ZNF391: variants seen among roughly 807,000 people sequenced by gnomAD.
ZNF391 encodes zinc finger protein 391.
For synonymous variants in ZNF391, 126 were observed against 142.1 expected (o/e 0.89, Z 0.80); for missense variants, 375 against 425.5 (o/e 0.88, Z 1.04).
At chr6:27,390,588 CG>C (rs768877416) in intron 1 of ZNF391, among the ~76,000 whole-genome samples, 3 of 152,168 alleles carry the variant, frequency 2.0e-5, no homozygotes, top group Non-Finnish European at 4.4e-5. Context: ...TTGTCACATC[CG>C]CTAGACTTCC....
chr6:27,396,716 G>A (rs1761833293), intron 1 of ZNF391, among the ~76,000 whole-genome samples: 2 of 152,038 alleles, frequency 1.3e-5, no homozygotes, highest in African/African-American at 4.8e-5. Flanking sequence ...GATAGAGTGA[G>A]ACCCTGTCTC....
At chr6:27,397,599 T>A (rs2113658347) in intron 1 of ZNF391, among the ~76,000 whole-genome samples, 1 of 152,274 alleles carries the variant, frequency 6.6e-6, no homozygotes, top group Non-Finnish European at 1.5e-5. Flanking sequence ...CCAATTCCTA[T>A]TAAGGAATGT....
At chr6:27,398,890 G>A (rs1442417267) in intron 1 of ZNF391, among the ~76,000 whole-genome samples, 2 of 152,054 alleles carry the variant, frequency 1.3e-5, no homozygotes, top group Non-Finnish European at 2.9e-5. Flanking sequence ...GAGTCATCTG[G>A]GAAAGCTAGC....
At chr6:27,377,106 A>C (rs893698748) in intron 1 of ZNF391, among the ~76,000 whole-genome samples, 2 of 152,226 alleles carry the variant, frequency 1.3e-5, no homozygotes, top group Non-Finnish European at 2.9e-5. Flanking sequence ...TCAGTGCTCC[A>C]AAACGAAAAA....
intron 1 of ZNF391, among the ~76,000 whole-genome samples, chr6:27,395,937 T>C (rs1029843513): frequency 6.6e-6 from 1 of 152,214 alleles, no homozygotes; most frequent in African/African-American, 2.4e-5. Context: ...CATATTACCT[T>C]ATGGCAGTAT....
intron 1 of ZNF391, among the ~76,000 whole-genome samples, chr6:27,378,322 C>A (rs1761447968): frequency 6.6e-6 from 1 of 152,098 alleles, no homozygotes; most frequent in African/African-American, 2.4e-5. Flanking sequence ...TTTTAAATCA[C>A]CTGGGTGCAG....
chr6:27,401,147 T>C lies in ZNF391; in HGVS notation c.777T>C (p.Ser259=), dbSNP rs761727530. Residue 259 remains serine (S), a synonymous_variant, in exon 3 of 3, where the codon AGT becomes AGC. Coordinates refer to ENST00000244576, the MANE Select transcript of ZNF391 (RefSeq NM_001076781.3). ...GCAGTAAATGTGGAAAAGCTTTCAGTTGGATCTCATCGCTTACTGAACATC... is the reference window on the plus strand; with the variant it reads ...GCAGTAAATGTGGAAAAGCTTTCAGCTGGATCTCATCGCTTACTGAACATC... The part of the protein sequence containing the change: ...YECSKCGKAF[S]WISSLTEHQR... 4.3e-6 allele frequency: 7 copies of C among 1,614,088 alleles called. No individual in the cohort carries two copies. The highest frequency in any genetic ancestry group is 1.3e-5 in the African/African-American group (1 of 74,934).
chr6:27,400,784 A>G lies in ZNF391; in HGVS notation c.414A>G (p.Glu138=). 6.2e-7 allele frequency: 1 copy of G among 1,614,212 alleles called. No homozygotes were observed. ...SRIHGGEKPF[E]CNKCGKSFSR... is the part of the protein sequence containing the mutation. ...TTCATGGTGGAGAAAAGCCTTTTGA[A>G]TGCAACAAATGTGGGAAATCTTTCA... is the stretch of plus-strand genomic sequence containing the variant. Residue 138 remains glutamate, a synonymous_variant, in exon 3 of 3, where the codon GAA becomes GAG. Transcript: ENST00000244576.
chr6:27,382,034 C>CAAAAAAAAA (rs58338028), intron 1 of ZNF391, among the ~76,000 whole-genome samples: 2 of 88,346 alleles, frequency 2.3e-5, no homozygotes, highest in Non-Finnish European at 2.1e-5. Context: ...GACTCCATCT[C>CAAAAAAAAA]AAAAAAAAAA....
In ZNF391 at chr6:27,401,176, G is replaced by A. The variant is rs779530597; in HGVS notation, c.806G>A (p.Arg269Lys). 6.2e-7 allele frequency: 1 copy of A among 1,614,200 alleles called. No homozygotes were observed. Among genetic ancestry groups the A allele is most frequent in the Non-Finnish European group, 8.5e-7 (1 of 1,180,022 alleles). ...ATCTCATCGCTTACTGAACATCAGA[G>A]AACACACACTGGGGAGAACCCCTAT... The part of the protein sequence containing the change: ...SWISSLTEHQ[R>K]THTGENPYEC... The change falls in exon 3 of 3, where the codon AGA becomes AAA. Residue 269 changes from arginine (R) to lysine (K), a missense_variant. By Grantham distance (26) the Arg-to-Lys change is conservative. Coordinates refer to ENST00000244576, the MANE Select transcript of ZNF391 (RefSeq NM_001076781.3).
chr6:27,382,672 C>T (rs1761528151), intron 1 of ZNF391, among the ~76,000 whole-genome samples: 1 of 152,018 alleles, frequency 6.6e-6, no homozygotes. Context: ...AATGTTAGCA[C>T]AGAGATATAA....
At chr6:27,394,523 AGGCAGAAGCCTGCTGTAAGG>A (rs1408263895) in intron 1 of ZNF391, among the ~76,000 whole-genome samples, 3 of 152,254 alleles carry the variant, frequency 2.0e-5, no homozygotes, top group East Asian at 1.9e-4. Context: ...CTGGGTGTCC[AGGCAGAAGCCTGCTGTAAGG>A]GGCAGAAGCC....
chr6:27,391,129 C>G (rs937796198), intron 1 of ZNF391: 2 of 151,528 alleles, frequency 1.3e-5, no homozygotes, highest in Non-Finnish European at 2.9e-5. Flanking sequence ...ACTTGAAACC[C>G]AGACATAACT....
In ZNF391 at chr6:27,403,509, C is replaced by A. The variant is rs1004976665; in HGVS notation, c.*2062C>A. 1 of 152,168 alleles carries A rather than the reference C, an allele frequency of 6.6e-6. No individual in the cohort carries two copies. The highest frequency in any genetic ancestry group is 1.5e-5 in the Non-Finnish European group (1 of 68,022). 9.4% of individuals were successfully genotyped at this position (152,168 alleles called of 1,614,324 possible). Reference sequence around the variant, plus strand: ...TATTAGACACCTTCTTTACTGTTTTCTGGTTCTTTCACAAGTACTTTTTTA... The same window carrying A: ...TATTAGACACCTTCTTTACTGTTTTATGGTTCTTTCACAAGTACTTTTTTA... On this transcript the variant is annotated 3_prime_UTR_variant, in exon 3 of 3. Coordinates refer to ENST00000244576, the MANE Select transcript of ZNF391 (RefSeq NM_001076781.3).
rs371924117 is a variant in ZNF391 at position 27,400,980 on chromosome 6, C to T, written c.610C>T (p.Arg204Ter). The T allele has an allele frequency of 1.5e-5, 24 of 1,613,960 alleles. No homozygotes were observed. The highest frequency in any genetic ancestry group is 8.0e-5 in the African/African-American group (6 of 74,882). The change falls in exon 3 of 3, where the codon CGA becomes TGA. Residue 204 changes from arginine (R) to a stop codon, truncating the protein, a stop_gained. Coordinates refer to ENST00000244576, the MANE Select transcript of ZNF391 (RefSeq NM_001076781.3). LOFTEE classifies it low-confidence loss of function (END_TRUNC). ...ECSECGKAFS[R>*]STNLSQHQRT... ...TAGTGAATGTGGAAAAGCCTTTAGC[C>T]GAAGCACTAACCTTAGTCAGCATCA...
chr6:27,384,544 A>T (rs527304626), upstream of ZNF391, among the ~76,000 whole-genome samples: 1 of 151,700 alleles, frequency 6.6e-6, no homozygotes, highest in Non-Finnish European at 1.5e-5. Flanking sequence ...TCTTATTGTT[A>T]GTTGATGTAC....
rs748594564 is a variant in ZNF391, at chr6:27,376,224, T to C, written n.523+1087T>C. On this transcript the variant is annotated intron_variant and non_coding_transcript_variant, in intron 1 of 2. Coordinates refer to the ZNF391 transcript ENST00000477999. The surrounding 1 kb of genome is among the most constrained non-coding windows in gnomAD (Gnocchi z 4.7). Reference sequence around the variant, plus strand: ...AATATTGTTTGCTGAAATCATAAGATTGTCAAGAATTTTGCTATTTGAAAT... The same window carrying C: ...AATATTGTTTGCTGAAATCATAAGACTGTCAAGAATTTTGCTATTTGAAAT... Among the ~76,000 whole-genome samples the C allele has an allele frequency of 2.8e-4, 43 of 152,320 alleles. No homozygotes were observed. Among genetic ancestry groups the C allele is most frequent in the Admixed American group, 5.2e-4 (8 of 15,304 alleles).
At chr6:27,384,019 C>T (rs373880932), upstream of ZNF391, among the ~76,000 whole-genome samples, 8 of 152,250 alleles carry the variant, frequency 5.3e-5, no homozygotes, top group East Asian at 7.7e-4. Context: ...GAAAAATCAT[C>T]CTTCAAAAGT....
chr6:27,375,523 A>AT (rs1052510699), intron 1 of ZNF391, among the ~76,000 whole-genome samples: 3 of 152,202 alleles, frequency 2.0e-5, no homozygotes, highest in Non-Finnish European at 2.9e-5. Flanking sequence ...TAAACCACTA[A>AT]TTAAAAATCA....
Sources: gnomAD v4.1 joint callset for allele counts (sites outside exome capture counted in the v4.1 genomes callset) on GRCh38, gnomAD v4.1.1 for gene constraint, Gnocchi (gnomAD v3.1) non-coding constraint, MANE v1.5 for transcripts, NCBI Gene and HGNC (gene_info 2026-07-23, HGNC 2026-07-21) for gene names.